The following CINP variants were observed in gnomAD, a reference collection of about 807,000 sequenced individuals.
The protein encoded by CINP is cyclin-dependent kinase 2-interacting protein.
Under a neutral mutation model 20.5 loss-of-function variants are expected in CINP, and 11 were observed. That is an observed-to-expected ratio of 0.54 (90% CI 0.34 to 0.89). CINP has a LOEUF of 0.89. Among genes scored for constraint, CINP ranks in the 40% least tolerant of loss-of-function variants. The probability of loss-of-function intolerance (pLI) is 0.02; values close to 1 mark genes in which losing one functional copy is unlikely to be tolerated. For missense variants in CINP, 213 were observed against 251.0 expected, an observed-to-expected ratio of 0.85 and a Z score of 1.02; for synonymous variants, 108 against 102.1, an observed-to-expected ratio of 1.06 and a Z score of -0.35.
chr14:102,353,272 T>C (rs1197859448), intron 3 of CINP, among the ~76,000 whole-genome samples: 4 of 152,142 alleles, frequency 2.6e-5, no homozygotes, highest in South Asian at 2.1e-4. Flanking sequence ...GGGCTATGCA[T>C]AGTGACTTCC....
intron 4 of CINP, 113 bp from the exon 5 acceptor site, chr14:102,348,872 TGA>T (rs1489823223): frequency 1.1e-6 from 1 of 934,308 alleles, no homozygotes; most frequent in Non-Finnish European, 1.6e-6. Context: ...GCAACAGCAC[TGA>T]GGGGAAGAAG....
intron 3 of CINP, among the ~76,000 whole-genome samples, chr14:102,355,331 A>G (rs1322284101): frequency 6.6e-6 from 1 of 152,066 alleles, no homozygotes; most frequent in Non-Finnish European, 1.5e-5. Flanking sequence ...CCTGACCAAT[A>G]TGGTGAAACC....
At position 102,348,628 on chromosome 14, in the gene CINP, G is replaced by A; in HGVS notation, c.568C>T (p.Pro190Ser). 1 of 1,614,028 alleles carries A rather than the reference G, an allele frequency of 6.2e-7. No individual in the cohort carries two copies. Among genetic ancestry groups the A allele is most frequent in the Non-Finnish European group, 8.5e-7 (1 of 1,179,966 alleles). ...AGCCTGCTGTCGCTCTCCACATAGG[G>A]CTGGTGCAGCCACATGGACAGGTAG... ...LSYLSMWLHQPYVESDSRLHL... is the reference protein window; with the variant it reads ...LSYLSMWLHQSYVESDSRLHL... The change falls in exon 5 of 5, where the codon CCC becomes TCC. Residue 190 changes from proline (P) to serine (S), a missense_variant. Physicochemically the swap from Pro to Ser is moderately conservative, Grantham distance 74. Transcript: ENST00000216756.
chr14:102,352,308 C>G (rs943082212), intron 3 of CINP: 2 of 270,080 alleles, frequency 7.4e-6, no homozygotes, highest in Non-Finnish European at 1.5e-5. Context: ...GGAGCCTTGA[C>G]CCCAGGCAAG....
chr14:102,357,869 T>G (rs1379218990), intron 2 of CINP, among the ~76,000 whole-genome samples: 1 of 152,156 alleles, frequency 6.6e-6, no homozygotes, highest in East Asian at 1.9e-4. Flanking sequence ...TGAAACAGCC[T>G]TCTATTAGAA....
In CINP at chr14:102,348,394, A is replaced by C; in HGVS notation, c.*163T>G. On this transcript the variant is annotated 3_prime_UTR_variant, in exon 5 of 5. Coordinates refer to ENST00000216756, the MANE Select transcript of CINP (RefSeq NM_032630.3). ...GTGGGGCTGGCCGCGGGTTGTGGGC[A>C]TGAGCACGCCTGGAGAGGCCATGGG... The C allele has an allele frequency of 1.6e-6, 1 of 642,012 alleles. No homozygotes were observed. Among genetic ancestry groups the C allele is most frequent in the South Asian group, 2.0e-5 (1 of 50,466 alleles). 39.8% of individuals were successfully genotyped at this position (642,012 alleles called of 1,614,324 possible). A position where few individuals can be genotyped will look rare whatever the true frequency, so the allele number is the denominator to read the frequency against.
At chr14:102,360,085 A>T (rs1441026190) in intron 1 of CINP, among the ~76,000 whole-genome samples, 3 of 152,152 alleles carry the variant, frequency 2.0e-5, no homozygotes, top group Non-Finnish European at 4.4e-5. Flanking sequence ...CGATGCTGCC[A>T]CTGCCCTTCT....
intron 3 of CINP, among the ~76,000 whole-genome samples, chr14:102,353,012 C>T (rs1886904524): frequency 6.6e-6 from 1 of 151,396 alleles, no homozygotes; most frequent in Non-Finnish European, 1.5e-5. Context: ...TGGCAGGCAC[C>T]TGTAATCCCA....
intron 3 of CINP, among the ~76,000 whole-genome samples, chr14:102,354,818 C>CCAG (rs1886960597): frequency 6.6e-6 from 1 of 151,948 alleles, no homozygotes; most frequent in African/African-American, 2.4e-5. Context: ...GCCTGTAATC[C>CCAG]CAGCAGTTTG....
At chr14:102,349,824 C>T in intron 4 of CINP, 95 bp downstream of exon 4, 3 of 1,428,232 alleles carry the variant, frequency 2.1e-6, no homozygotes, top group Non-Finnish European at 2.9e-6. Context: ...AATTTGAAAG[C>T]CTTGTCAGCT....
At chr14:102,349,288 T>C (rs1431989486) in intron 4 of CINP, among the ~76,000 whole-genome samples, 1 of 152,120 alleles carries the variant, frequency 6.6e-6, no homozygotes. Flanking sequence ...TACTTGACTC[T>C]TAGGTGACCT....
In CINP at chr14:102,348,361, A is replaced by G. The variant is rs7141141; in HGVS notation, c.*196T>C. The G allele has an allele frequency of 0.98, 567,754 of 582,090 alleles. 277,921 individuals carry two copies. The highest frequency in any genetic ancestry group is 1 in the Non-Finnish European group (326,451 of 326,976). The allele number at this position is 582,090 out of a possible 1,614,324, so 36.1% of individuals were successfully genotyped here. On this transcript the variant is annotated 3_prime_UTR_variant, in exon 5 of 5. Transcript: ENST00000216756. ...CCAGGAGGGGCAGAGAAGGCTGAGC[A>G]GCACCACGTGGGGCTGGCCGCGGGT...
intron 3 of CINP, among the ~76,000 whole-genome samples, chr14:102,350,743 G>C (rs2139625514): frequency 6.6e-6 from 1 of 151,378 alleles, no homozygotes; most frequent in East Asian, 1.9e-4. Context: ...TATCAAATGA[G>C]CTCGTTTCTG....
chr14:102,352,959 T>C (rs909266996), intron 3 of CINP, among the ~76,000 whole-genome samples: 1 of 150,794 alleles, frequency 6.6e-6, no homozygotes, highest in Non-Finnish European at 1.5e-5. Context: ...AAAACAAAAA[T>C]TAAAAAAAAA....
chr14:102,352,681 C>T (rs933146150), intron 3 of CINP: 4 of 395,870 alleles, frequency 1.0e-5, no homozygotes, highest in African/African-American at 2.1e-5. Context: ...TTTTTTGACA[C>T]GGAGTCTCAC....
chr14:102,353,666 C>G (rs1029917857), intron 3 of CINP, among the ~76,000 whole-genome samples: 1 of 152,158 alleles, frequency 6.6e-6, no homozygotes, highest in Non-Finnish European at 1.5e-5. Context: ...AATACCTGAC[C>G]AGTATCCCTC....
rs1264606688 is a variant in CINP at position 102,354,742 on chromosome 14, CAG to C, written c.306+1024_306+1025del. 2.7e-5 allele frequency among the ~76,000 whole-genome samples: 4 copies of C among 150,510 alleles called. No individual in the cohort carries two copies. In the East Asian group the frequency reaches 8.0e-4, roughly 30 times the overall value. ...ACTGCACTCCATCCAGCCTCAGTGG[CAG>C]AGTGAGGCCCTGTCTCAAAAAAAAC... On this transcript the variant is annotated intron_variant, in intron 3 of 4. Transcript: ENST00000216756.
At chr14:102,350,114 C>G in intron 3 of CINP, 66 bp from the exon 4 acceptor site, 1 of 1,447,288 alleles carries the variant, frequency 6.9e-7, no homozygotes, top group Non-Finnish European at 9.6e-7. Flanking sequence ...TTTAATAACT[C>G]TAAGATTTCA....
chr14:102,355,704 C>A, intron 3 of CINP, 64 bp downstream of exon 3: 1 of 1,591,918 alleles, frequency 6.3e-7, no homozygotes, highest in Non-Finnish European at 8.6e-7. Flanking sequence ...GTCAAGCAAA[C>A]CCCAAATACG....
Sources: gnomAD v4.1 joint callset for allele counts (sites outside exome capture counted in the v4.1 genomes callset) on GRCh38, gnomAD v4.1.1 for gene constraint, MANE v1.5 for transcripts, NCBI Gene and HGNC (gene_info 2026-07-23, HGNC 2026-07-21) for gene names.